The following AUTS2 variants were observed in gnomAD, a reference collection of about 807,000 sequenced individuals.
AUTS2 encodes autism susceptibility gene 2 protein.
Under a neutral mutation model 112.4 loss-of-function variants are expected in AUTS2, and 17 were observed. The observed-to-expected ratio is 0.15, with a 90% CI of 0.10 to 0.23. AUTS2 has a LOEUF of 0.23. Among genes scored for constraint, AUTS2 ranks in the 10% least tolerant of loss-of-function variants. AUTS2 has a pLI of 1.00. For synonymous variants in AUTS2, 751 were observed against 702.7 expected (o/e 1.07, Z -1.09); for missense variants, 1,510 against 1,701.6 (o/e 0.89, Z 1.98).
intron 2 of AUTS2, among the ~76,000 whole-genome samples, chr7:69,963,320 C>G (rs1006784967): frequency 1.3e-5 from 2 of 152,118 alleles, no homozygotes; most frequent in African/African-American, 2.4e-5. Flanking sequence ...AGAGAACACA[C>G]TCCTGTTGGA....
At chr7:69,836,375 T>C (rs1167857400) in intron 1 of AUTS2, among the ~76,000 whole-genome samples, 1 of 152,182 alleles carries the variant, frequency 6.6e-6, no homozygotes, top group Non-Finnish European at 1.5e-5. Flanking sequence ...TAACATAATA[T>C]GGTACCTGTA....
chr7:70,634,856 C>A (rs764861641), intron 5 of AUTS2, among the ~76,000 whole-genome samples: 4 of 152,148 alleles, frequency 2.6e-5, no homozygotes, highest in Non-Finnish European at 5.9e-5. Flanking sequence ...CTGCACATTG[C>A]GGAAACTGTT....
chr7:70,245,927 G>T (rs1464952657), intron 4 of AUTS2, among the ~76,000 whole-genome samples: 3 of 151,956 alleles, frequency 2.0e-5, no homozygotes, highest in Non-Finnish European at 4.4e-5. Flanking sequence ...AAATAATCTT[G>T]TGCACATGTG....
intron 5 of AUTS2, among the ~76,000 whole-genome samples, chr7:70,464,610 C>T (rs1396884694): frequency 6.6e-6 from 1 of 152,012 alleles, no homozygotes; most frequent in Non-Finnish European, 1.5e-5. Flanking sequence ...ATTATAAGAC[C>T]CAGAGTTGTC....
intron 5 of AUTS2, among the ~76,000 whole-genome samples, chr7:70,539,876 T>C (rs1197604704): frequency 6.6e-6 from 1 of 152,144 alleles, no homozygotes; most frequent in Non-Finnish European, 1.5e-5. Context: ...TGCCCGCCTG[T>C]TCTGTGGGGG....
At chr7:70,047,067 G>T (rs1212062011) in intron 2 of AUTS2, among the ~76,000 whole-genome samples, 1 of 152,126 alleles carries the variant, frequency 6.6e-6, no homozygotes, top group Non-Finnish European at 1.5e-5. Context: ...CAGTTCGGGG[G>T]TGATCTGTGA....
intron 2 of AUTS2, among the ~76,000 whole-genome samples, chr7:70,007,387 T>G (rs1799592564): frequency 6.6e-6 from 1 of 152,150 alleles, no homozygotes; most frequent in East Asian, 1.9e-4. Flanking sequence ...CACTCTTACA[T>G]TTGGTATATT....
intron 2 of AUTS2, among the ~76,000 whole-genome samples, chr7:69,911,711 T>A (rs74671212): frequency 0.078 from 11,928 of 152,196 alleles, 664 homozygotes; most frequent in Non-Finnish European, 0.12. Flanking sequence ...GATGTCTGTT[T>A]GAGCCTGGCT....
chr7:69,687,870 A>G (rs1231513196), intron 1 of AUTS2, among the ~76,000 whole-genome samples: 2 of 152,178 alleles, frequency 1.3e-5, no homozygotes, highest in Non-Finnish European at 2.9e-5. Context: ...ATCAAATTGA[A>G]ATACCCTGCC....
chr7:70,659,668 G>A (rs969972262), intron 5 of AUTS2, among the ~76,000 whole-genome samples: 2 of 152,092 alleles, frequency 1.3e-5, no homozygotes, highest in South Asian at 4.1e-4. Context: ...TGTTATGGCT[G>A]GGAAAAAAAG....
chr7:70,123,210 T>G (rs1377420707), intron 3 of AUTS2, among the ~76,000 whole-genome samples: 1 of 152,158 alleles, frequency 6.6e-6, no homozygotes, highest in Non-Finnish European at 1.5e-5. Flanking sequence ...ACCCACAGAA[T>G]GGATCTTTTG....
chr7:69,712,435 A>G (rs72608220), intron 1 of AUTS2, among the ~76,000 whole-genome samples: 2 of 23,278 alleles, frequency 8.6e-5, no homozygotes, highest in African/African-American at 2.2e-4. Flanking sequence ...ATTGTAGATT[A>G]ATTGACACTT....
intron 14 of AUTS2, among the ~76,000 whole-genome samples, chr7:70,779,370 C>T (rs1382386078): frequency 2.0e-5 from 3 of 152,172 alleles, no homozygotes; most frequent in Non-Finnish European, 2.9e-5. Context: ...CTTACTGTGG[C>T]GGGCTGGGGG....
chr7:70,466,678 C>T (rs1044600570), intron 5 of AUTS2, among the ~76,000 whole-genome samples: 6 of 152,114 alleles, frequency 3.9e-5, no homozygotes, highest in African/African-American at 1.4e-4. Flanking sequence ...CTCAAAATAC[C>T]TGTTAAATAA....
At chr7:69,707,343 C>G (rs1292445705) in intron 1 of AUTS2, among the ~76,000 whole-genome samples, 1 of 152,148 alleles carries the variant, frequency 6.6e-6, no homozygotes, top group Non-Finnish European at 1.5e-5. Flanking sequence ...TAGTTTGTGA[C>G]TATTGCTAGA....
At chr7:69,627,681 G>C (rs2129099385) in intron 1 of AUTS2, among the ~76,000 whole-genome samples, 1 of 152,168 alleles carries the variant, frequency 6.6e-6, no homozygotes, top group East Asian at 1.9e-4. Context: ...GGAGAGCATG[G>C]TTATGAAGAT....
At chr7:70,301,666 G>A (rs542074577) in intron 4 of AUTS2, among the ~76,000 whole-genome samples, 1 of 152,178 alleles carries the variant, frequency 6.6e-6, no homozygotes, top group East Asian at 1.9e-4. Flanking sequence ...TAAATTATAT[G>A]TAGGCTGCAA....
intron 2 of AUTS2, among the ~76,000 whole-genome samples, chr7:69,956,434 G>A (rs1797212522): frequency 1.3e-5 from 2 of 152,010 alleles, no homozygotes; most frequent in South Asian, 4.2e-4. Context: ...ATACTCACCT[G>A]TAACCGTTAT....
At chr7:70,033,108 A>G (rs1410631186) in intron 2 of AUTS2, among the ~76,000 whole-genome samples, 1 of 152,128 alleles carries the variant, frequency 6.6e-6, no homozygotes, top group Non-Finnish European at 1.5e-5. Flanking sequence ...ATAAAATTAG[A>G]TTGTGGTAAT....
Sources: gnomAD v4.1 joint callset for allele counts (sites outside exome capture counted in the v4.1 genomes callset) on GRCh38, gnomAD v4.1.1 for gene constraint, MANE v1.5 for transcripts, NCBI Gene and HGNC (gene_info 2026-07-23, HGNC 2026-07-21) for gene names.